Variants in PLAC1 observed in about 807,000 individuals in gnomAD.
PLAC1 encodes the protein placenta associated 1.
For synonymous variants in PLAC1, 68 were observed against 62.1 expected, an observed-to-expected ratio of 1.09 and a Z score of -0.44; for missense variants, 136 against 163.2, an observed-to-expected ratio of 0.83 and a Z score of 0.91.
At chrX:134,649,255 A>C (rs1602875007) in intron 1 of PLAC1, among the ~76,000 whole-genome samples, 1 of 93,884 alleles carries the variant, frequency 1.1e-5, no homozygotes. Context: ...ACAGTGGGAG[A>C]CTCCATCTCA....
At chrX:134,624,675 G>T (rs1185379556) in intron 1 of PLAC1, among the ~76,000 whole-genome samples, 2 of 111,640 alleles carry the variant, frequency 1.8e-5, no homozygotes, top group Non-Finnish European at 3.8e-5. Flanking sequence ...AGAACCTGGG[G>T]CTTTGTATGT....
In PLAC1 at chrX:134,665,116, G is replaced by GTGTGTGTTTGTGTGTA. The variant is rs1414526118; in HGVS notation, n.175-63010_175-62995dup. Among the ~76,000 whole-genome samples the GTGTGTGTTTGTGTGTA allele has an allele frequency of 2.7e-5, 3 of 109,840 alleles. No individual in the cohort carries two copies. In the East Asian group the frequency reaches 8.5e-4, roughly 31 times the overall value. ...TGTGTATGTGAGTGTGTTTGTGTGT[G>GTGTGTGTTTGTGTGTA]TGTGTGTTTGTGTGTATGTGTGTTT... On this transcript the variant is annotated intron_variant and non_coding_transcript_variant, in intron 2 of 2. Coordinates refer to the PLAC1 transcript ENST00000466797.
chrX:134,731,245 G>A (rs1026992577), intron 2 of PLAC1, among the ~76,000 whole-genome samples: 2 of 111,788 alleles, frequency 1.8e-5, no homozygotes, highest in Non-Finnish European at 3.8e-5. Flanking sequence ...GAATATGCCC[G>A]AGCATCAGTT....
intron 2 of PLAC1, among the ~76,000 whole-genome samples, chrX:134,688,585 C>G (rs1369452557): frequency 2.7e-5 from 3 of 112,024 alleles, no homozygotes; most frequent in Non-Finnish European, 5.6e-5. Flanking sequence ...TTTTTTCTTT[C>G]CAGAAGAGAA....
chrX:134,637,109 A>G (rs954443271), intron 1 of PLAC1, among the ~76,000 whole-genome samples: 6 of 112,342 alleles, frequency 5.3e-5, no homozygotes, highest in African/African-American at 1.9e-4. Context: ...AGCAGGCCCT[A>G]CTTAGTTCTG....
intron 1 of PLAC1, among the ~76,000 whole-genome samples, chrX:134,648,056 C>T (rs2078343197): frequency 9.0e-6 from 1 of 111,512 alleles, no homozygotes; most frequent in Non-Finnish European, 1.9e-5. Context: ...GCACCCCACC[C>T]CTCACCCCCA....
At chrX:134,674,937 C>T (rs1010238227) in intron 2 of PLAC1, among the ~76,000 whole-genome samples, 3 of 112,435 alleles carry the variant, frequency 2.7e-5, no homozygotes, top group South Asian at 3.7e-4. Context: ...GAAGAGAAAA[C>T]TCATTGAGAA....
At chrX:134,592,718 CTCTTT>C (rs2098005485) in intron 2 of PLAC1, among the ~76,000 whole-genome samples, 1 of 87,776 alleles carries the variant, frequency 1.1e-5, no homozygotes, top group Non-Finnish European at 2.2e-5. Context: ...CTCTCTGTGT[CTCTTT>C]TTTTTTTTTT....
chrX:134,687,819 T>C (rs1428456500), intron 2 of PLAC1, among the ~76,000 whole-genome samples: 110 of 838 alleles, frequency 0.13, no homozygotes, highest in African/African-American at 0.21. Context: ...AGATAACATA[T>C]ATATATATAT....
At chrX:134,604,157 A>G (rs2078111341) in intron 1 of PLAC1, among the ~76,000 whole-genome samples, 1 of 112,711 alleles carries the variant, frequency 8.9e-6, no homozygotes, top group African/African-American at 3.2e-5. Flanking sequence ...CCCTTGGACA[A>G]CACCAGGGGT....
At chrX:134,672,301 C>T (rs772121220) in intron 2 of PLAC1, among the ~76,000 whole-genome samples, 1 of 110,837 alleles carries the variant, frequency 9.0e-6, no homozygotes, top group Non-Finnish European at 1.9e-5. Flanking sequence ...AAGGGCTTAT[C>T]ATAACATCCT....
At chrX:134,717,032 A>G (rs2078645224) in intron 2 of PLAC1, among the ~76,000 whole-genome samples, 1 of 112,078 alleles carries the variant, frequency 8.9e-6, no homozygotes, top group Non-Finnish European at 1.9e-5. Flanking sequence ...ACCAACTCCA[A>G]GCAACTGGCC....
chrX:134,720,823 AT>A (rs945144039), intron 2 of PLAC1, among the ~76,000 whole-genome samples: 1 of 111,520 alleles, frequency 9.0e-6, no homozygotes, highest in Non-Finnish European at 1.9e-5. Context: ...ACCCAGCTGA[AT>A]TTTTTTTATT....
At chrX:134,678,875 G>C (rs933107632) in intron 2 of PLAC1, among the ~76,000 whole-genome samples, 48 of 28,591 alleles carry the variant, frequency 1.7e-3, no homozygotes, top group African/African-American at 5.7e-3. Context: ...CAAATGATGA[G>C]TGTCCTTATA....
chrX:134,735,957 T>TAAAAAAAAA (rs766171376), intron 1 of PLAC1, among the ~76,000 whole-genome samples: 1 of 83,976 alleles, frequency 1.2e-5, no homozygotes, highest in African/African-American at 4.4e-5. Context: ...CTGTCTACCT[T>TAAAAAAAAA]AAAAAAAAAA....
chrX:134,584,605 G>A (rs1469895962), intron 2 of PLAC1, among the ~76,000 whole-genome samples: 1 of 110,644 alleles, frequency 9.0e-6, no homozygotes, highest in Non-Finnish European at 1.9e-5. Context: ...ATGTGTGAGG[G>A]TTTCTCGGTG....
At chrX:134,668,452 CTAAGA>C (rs1337941368) in intron 2 of PLAC1, among the ~76,000 whole-genome samples, 1 of 112,609 alleles carries the variant, frequency 8.9e-6, no homozygotes, top group Admixed American at 9.3e-5. Context: ...AATGGTAGGG[CTAAGA>C]TGTCAGTCCA....
chrX:134,654,204 G>A (rs1385708769), intron 1 of PLAC1, among the ~76,000 whole-genome samples: 5 of 112,036 alleles, frequency 4.5e-5, no homozygotes, highest in African/African-American at 1.3e-4. Flanking sequence ...CATCTTGCCT[G>A]CTCTGTCTAT....
intron 2 of PLAC1, among the ~76,000 whole-genome samples, chrX:134,717,551 G>A (rs899565037): frequency 3.6e-5 from 4 of 112,164 alleles, no homozygotes; most frequent in Non-Finnish European, 7.5e-5. Context: ...TTGAGACACC[G>A]CACCCAGCCA....
Sources: gnomAD v4.1 joint callset for allele counts (sites outside exome capture counted in the v4.1 genomes callset) on GRCh38, gnomAD v4.1.1 for gene constraint, MANE v1.5 for transcripts, NCBI Gene and HGNC (gene_info 2026-07-23, HGNC 2026-07-21) for gene names.